The following TNNI3K variants were observed in gnomAD, a reference collection of about 807,000 sequenced individuals.
The protein encoded by TNNI3K is serine/threonine-protein kinase TNNI3K.
In TNNI3K, 140 loss-of-function variants were observed where a neutral mutation model predicts 114.5. That is an observed-to-expected ratio of 1.22 (90% CI 1.07 to 1.41). The LOEUF is 1.41. Among genes scored for constraint, TNNI3K ranks in the 40% most tolerant of loss-of-function variants. The pLI is 0.00. For synonymous variants in TNNI3K, 347 were observed against 347.5 expected (o/e 1.00, Z 0.02); for missense variants, 1,125 against 1,007.6 (o/e 1.12, Z -1.58).
chr1:74,478,153 G>A (rs999717796), intron 21 of TNNI3K, among the ~76,000 whole-genome samples: 3 of 152,102 alleles, frequency 2.0e-5, no homozygotes, highest in East Asian at 1.9e-4. Flanking sequence ...CTCACCACAC[G>A]TGTGCTTCAG....
chr1:74,355,031 A>G (rs1191046795), intron 11 of TNNI3K, among the ~76,000 whole-genome samples: 2 of 152,146 alleles, frequency 1.3e-5, no homozygotes, highest in East Asian at 3.9e-4. Context: ...ATACACTCCT[A>G]AGGAGTTTAG....
chr1:74,489,302 G>T, intron 22 of TNNI3K, 54 bp downstream of exon 22: 1 of 1,569,946 alleles, frequency 6.4e-7, no homozygotes, highest in Admixed American at 1.8e-5. Context: ...CATATCCAAG[G>T]CTGTCAGGGA....
chr1:74,348,874 T>C (rs1000080768), intron 9 of TNNI3K, among the ~76,000 whole-genome samples: 5 of 152,226 alleles, frequency 3.3e-5, no homozygotes, highest in African/African-American at 1.2e-4. Context: ...TGAAGTTGCT[T>C]ATCAGCTTAA....
chr1:74,434,058 C>T (rs902677966), intron 17 of TNNI3K, among the ~76,000 whole-genome samples: 2 of 151,880 alleles, frequency 1.3e-5, no homozygotes, highest in Non-Finnish European at 1.5e-5. Flanking sequence ...ACTCTACCTT[C>T]GCACTTTAGT....
At chr1:74,528,039 A>G (rs996150009) in intron 23 of TNNI3K, among the ~76,000 whole-genome samples, 5 of 152,176 alleles carry the variant, frequency 3.3e-5, no homozygotes, top group Non-Finnish European at 7.4e-5. Flanking sequence ...GTACCCTGAC[A>G]GAGGAGATCA....
At chr1:74,404,434 A>T (rs1202988256) in intron 17 of TNNI3K, among the ~76,000 whole-genome samples, 1 of 152,110 alleles carries the variant, frequency 6.6e-6, no homozygotes, top group East Asian at 1.9e-4. Flanking sequence ...TGATATCTTA[A>T]ATATTTGACT....
At chr1:74,368,419 A>G (rs1435084734) in intron 13 of TNNI3K, among the ~76,000 whole-genome samples, 2 of 151,936 alleles carry the variant, frequency 1.3e-5, no homozygotes, top group East Asian at 3.9e-4. Flanking sequence ...TCAAATGTAA[A>G]TATATATTTA....
intron 23 of TNNI3K, among the ~76,000 whole-genome samples, chr1:74,520,036 A>T (rs539559527): frequency 5.3e-5 from 8 of 152,162 alleles, no homozygotes; most frequent in Non-Finnish European, 1.0e-4. Context: ...TTTGGGGAAC[A>T]GGTGGTATTT....
rs193223982 is a variant in TNNI3K, at chr1:74,255,484, A to C, written c.333+4715A>C. 2.2e-3 allele frequency among the ~76,000 whole-genome samples: 331 copies of C among 152,268 alleles called. 2 individuals are homozygous for C. Among genetic ancestry groups the C allele is most frequent in the African/African-American group, 7.3e-3 (304 of 41,552 alleles). On this transcript the variant is annotated intron_variant, in intron 4 of 24. Coordinates refer to ENST00000326637, the MANE Select transcript of TNNI3K (RefSeq NM_015978.3). ...CTCTGGTTCGAACGCCTCTGACATCATGACTGTATATTTTCTAATCAATAG... is the reference window on the plus strand; with the variant it reads ...CTCTGGTTCGAACGCCTCTGACATCCTGACTGTATATTTTCTAATCAATAG...
intron 20 of TNNI3K, among the ~76,000 whole-genome samples, chr1:74,443,227 G>T (rs1002714300): frequency 2.0e-5 from 3 of 151,984 alleles, no homozygotes; most frequent in Admixed American, 6.6e-5. Flanking sequence ...CCAGGAGGTG[G>T]TTTTTTGAAA....
intron 17 of TNNI3K, chr1:74,378,629 T>TATATAAA (rs1553138861): frequency 9.6e-5 from 13 of 135,788 alleles, no homozygotes; most frequent in Admixed American, 5.9e-4. Context: ...TATATATATA[T>TATATAAA]ATATATATAT....
chr1:74,355,543 G>A (rs1351001649), intron 11 of TNNI3K, among the ~76,000 whole-genome samples: 1 of 152,128 alleles, frequency 6.6e-6, no homozygotes, highest in Admixed American at 6.6e-5. Context: ...GGCAGAGGTT[G>A]TGGTGAGCTG....
intron 23 of TNNI3K, among the ~76,000 whole-genome samples, chr1:74,496,504 G>T (rs1443421405): frequency 6.6e-6 from 1 of 152,142 alleles, no homozygotes; most frequent in Non-Finnish European, 1.5e-5. Flanking sequence ...CTTGAGAAAT[G>T]ATGCATTTAC....
Position 74,299,563 on chromosome 1 carries a change from C to T in TNNI3K, c.444+27855C>T, listed in dbSNP as rs969448774. 3.3e-5 allele frequency among the ~76,000 whole-genome samples: 5 copies of T among 152,152 alleles called. No individual in the cohort carries two copies. In the South Asian group the frequency reaches 1.0e-3, roughly 32 times the overall value. ...CAGTATGCCAGGTATTTTCTAAGCA[C>T]TTTACATTGATTATCTCTTTATATT... On this transcript the variant is annotated intron_variant, in intron 5 of 24. Transcript: ENST00000326637.
intron 2 of TNNI3K, among the ~76,000 whole-genome samples, chr1:74,245,442 G>A (rs945515529): frequency 2.0e-5 from 3 of 152,078 alleles, no homozygotes; most frequent in East Asian, 3.9e-4. Flanking sequence ...TGAGGTCCAC[G>A]GTGCTCCCAG....
chr1:74,307,048 TA>T (rs1364538594), intron 5 of TNNI3K, among the ~76,000 whole-genome samples: 1 of 152,212 alleles, frequency 6.6e-6, no homozygotes, highest in Non-Finnish European at 1.5e-5. Context: ...CAGTGAGAGG[TA>T]AACGTCCAGT....
intron 5 of TNNI3K, among the ~76,000 whole-genome samples, chr1:74,296,201 G>A (rs2100303694): frequency 1.3e-5 from 2 of 152,056 alleles, no homozygotes; most frequent in Middle Eastern, 3.4e-3. Context: ...GTGTGAACCT[G>A]GGAGGTGGAG....
intron 17 of TNNI3K, among the ~76,000 whole-genome samples, chr1:74,415,684 C>G (rs1449499013): frequency 6.7e-6 from 1 of 149,776 alleles, no homozygotes; most frequent in African/African-American, 2.4e-5. Context: ...TATATTTATA[C>G]TTTTTTGATA....
chr1:74,336,205 AC>A (rs1660455371), intron 7 of TNNI3K, 56 bp downstream of exon 7: 2 of 1,546,076 alleles, frequency 1.3e-6, no homozygotes, highest in South Asian at 2.6e-5. Flanking sequence ...TATACCTTTT[AC>A]TTGTACTTCT....
Sources: gnomAD v4.1 joint callset for allele counts (sites outside exome capture counted in the v4.1 genomes callset) on GRCh38, gnomAD v4.1.1 for gene constraint, MANE v1.5 for transcripts, NCBI Gene and HGNC (gene_info 2026-07-23, HGNC 2026-07-21) for gene names.